ULK4: variants seen among roughly 807,000 people sequenced by gnomAD.
ULK4 encodes the protein inactive serine/threonine-protein kinase ULK4.
A neutral mutation model predicts 160.6 loss-of-function variants in ULK4; 133 were observed. That is an observed-to-expected ratio of 0.83 (90% CI 0.72 to 0.96). ULK4 has a LOEUF of 0.96. Ranked by LOEUF, ULK4 falls within the 40% of genes least tolerant of loss-of-function variation. The pLI is 0.00. For missense variants in ULK4, 1,580 were observed against 1,499.5 expected (o/e 1.05, Z -0.89); for synonymous variants, 534 against 539.8 (o/e 0.99, Z 0.15).
intron 32 of ULK4, among the ~76,000 whole-genome samples, chr3:41,531,467 AGG>A (rs1491193486): frequency 0.014 from 113 of 7,990 alleles, 3 homozygotes; most frequent in African/African-American, 0.03. Context: ...AGGGGAGGGG[AGG>A]GGAGAGGAGG....
At chr3:41,466,639 A>C (rs1461752483) in intron 32 of ULK4, among the ~76,000 whole-genome samples, 1 of 152,230 alleles carries the variant, frequency 6.6e-6, no homozygotes, top group African/African-American at 2.4e-5. Context: ...CTGGTCTTTA[A>C]AAAATGGATA....
intron 35 of ULK4, among the ~76,000 whole-genome samples, chr3:41,385,795 A>G (rs748539798): frequency 6.6e-6 from 1 of 152,160 alleles, no homozygotes; most frequent in African/African-American, 2.4e-5. Flanking sequence ...TGAAACTTAG[A>G]GAGGTTGTGT....
chr3:41,834,981 A>G (rs576682910), intron 18 of ULK4, among the ~76,000 whole-genome samples: 1 of 152,328 alleles, frequency 6.6e-6, no homozygotes, highest in African/African-American at 2.4e-5. Flanking sequence ...GGACTATATA[A>G]ATATCATAAA....
At chr3:41,663,090 G>A (rs532580975) in intron 30 of ULK4, among the ~76,000 whole-genome samples, 12 of 151,608 alleles carry the variant, frequency 7.9e-5, no homozygotes, top group South Asian at 2.1e-4. Flanking sequence ...GCATGGCGGC[G>A]GGCACCTGTA....
chr3:41,771,758 A>C (rs2039387973), intron 21 of ULK4, among the ~76,000 whole-genome samples: 1 of 152,212 alleles, frequency 6.6e-6, no homozygotes, highest in Non-Finnish European at 1.5e-5. Flanking sequence ...AGCAAAGAAA[A>C]AACGTAAAAC....
At chr3:41,560,369 C>A (rs879527176) in intron 32 of ULK4, among the ~76,000 whole-genome samples, 9 of 152,092 alleles carry the variant, frequency 5.9e-5, no homozygotes, top group Non-Finnish European at 1.3e-4. Context: ...TCCATATGAA[C>A]TTTAAAGTAG....
Position 41,850,822 on chromosome 3 carries a change from AT to A in ULK4, c.1657-14852del, listed in dbSNP as rs1021627814. On this transcript the variant is annotated intron_variant, in intron 17 of 36. Transcript: ENST00000301831. ...AAGCTCTTTAGTTTAATTAGATCCC[AT>A]TTGTCAATTTTGGCTTTTGTTGCCA... Among the ~76,000 whole-genome samples, 259 of 152,158 alleles carry A rather than the reference AT, an allele frequency of 1.7e-3. 2 individuals are homozygous for A. Among genetic ancestry groups the A allele is most frequent in the African/African-American group, 5.9e-3 (243 of 41,494 alleles).
At chr3:41,825,979 G>A (rs1192196432) in intron 18 of ULK4, among the ~76,000 whole-genome samples, 1 of 152,168 alleles carries the variant, frequency 6.6e-6, no homozygotes, top group Middle Eastern at 3.2e-3. Flanking sequence ...AACTCTACAA[G>A]CCAGAAGAGA....
intron 19 of ULK4, among the ~76,000 whole-genome samples, chr3:41,803,231 T>C (rs187156319): frequency 8.2e-4 from 125 of 151,570 alleles, no homozygotes; most frequent in African/African-American, 2.9e-3. Flanking sequence ...AGGAAGGACA[T>C]TGGATAACAC....
At chr3:41,845,029 A>G (rs1207325377) in intron 17 of ULK4, among the ~76,000 whole-genome samples, 2 of 150,848 alleles carry the variant, frequency 1.3e-5, no homozygotes, top group African/African-American at 2.4e-5. Flanking sequence ...GCAGTGGCGC[A>G]ATCTCGGCTG....
intron 32 of ULK4, among the ~76,000 whole-genome samples, chr3:41,555,319 CA>C (rs35693207): frequency 3.1e-4 from 43 of 140,382 alleles, no homozygotes; most frequent in East Asian, 4.1e-4. Flanking sequence ...AACAAATGTA[CA>C]AAAAAAAAAA....
chr3:41,411,128 G>A, intron 34 of ULK4, among the ~76,000 whole-genome samples: 1 of 152,160 alleles, frequency 6.6e-6, no homozygotes, highest in East Asian at 1.9e-4. Flanking sequence ...TGAACTAGGG[G>A]TAGAAGGGAA....
chr3:41,514,221 T>A (rs2085678314), intron 32 of ULK4, among the ~76,000 whole-genome samples: 1 of 152,164 alleles, frequency 6.6e-6, no homozygotes, highest in African/African-American at 2.4e-5. Context: ...CACAGAGAAC[T>A]GAGCCCAGTT....
Position 41,954,705 on chromosome 3 carries a change from A to G in ULK4, c.55T>C (p.Tyr19His). Reference protein sequence around the residue: ...EIGRGSKTVVYKGRRKGTINF... With the variant: ...EIGRGSKTVVHKGRRKGTINF... ...ATTGTTCCCTTCCGTCGCCCTTTAT[A>G]GACAACAGTCTTGCTTCCTCTTCCG... Residue 19 changes from tyrosine (Y) to histidine (H), a missense_variant, in exon 2 of 37, where the codon TAT (tyrosine) becomes CAT (histidine). Transcript: ENST00000301831. 6.2e-7 allele frequency: 1 copy of G among 1,614,032 alleles called. No individual in the cohort carries two copies. Among genetic ancestry groups the G allele is most frequent in the South Asian group, 1.1e-5 (1 of 91,086 alleles).
chr3:41,527,390 G>A (rs537035714), intron 32 of ULK4, among the ~76,000 whole-genome samples: 123 of 152,336 alleles, frequency 8.1e-4, no homozygotes, highest in African/African-American at 2.7e-3. Flanking sequence ...TGGGACACTG[G>A]TCCAAATGCT....
intron 22 of ULK4, among the ~76,000 whole-genome samples, chr3:41,724,462 C>T (rs2037577039): frequency 6.6e-6 from 1 of 152,114 alleles, no homozygotes; most frequent in African/African-American, 2.4e-5. Context: ...CGGTGGCTCA[C>T]ATCTGTAATC....
At chr3:41,433,109 C>A (rs889536475) in intron 34 of ULK4, among the ~76,000 whole-genome samples, 7 of 151,994 alleles carry the variant, frequency 4.6e-5, no homozygotes, top group Non-Finnish European at 1.0e-4. Flanking sequence ...AAAGGATAAG[C>A]CTATTAATAT....
At chr3:41,477,442 A>G (rs1457849556) in intron 32 of ULK4, among the ~76,000 whole-genome samples, 1 of 152,214 alleles carries the variant, frequency 6.6e-6, no homozygotes, top group Non-Finnish European at 1.5e-5. Flanking sequence ...CTTCCTGCAT[A>G]GAGGCTTTCT....
intron 5 of ULK4, among the ~76,000 whole-genome samples, chr3:41,927,254 A>G (rs1392628572): frequency 1.3e-5 from 2 of 152,244 alleles, no homozygotes; most frequent in Admixed American, 6.5e-5. Flanking sequence ...ACTAAGCTTC[A>G]TAAGCGAAGG....
Sources: allele counts gnomAD v4.1 joint callset (sites outside exome capture counted in the v4.1 genomes callset), GRCh38; gene constraint gnomAD v4.1.1; transcripts MANE v1.5; gene names NCBI Gene and HGNC (gene_info 2026-07-23, HGNC 2026-07-21).